The following PDE4D variants were observed in gnomAD, a reference collection of about 807,000 sequenced individuals.
The protein encoded by PDE4D is phosphodiesterase 4D, also known as 3',5'-cyclic-AMP phosphodiesterase 4D.
PDE4D carries 24 observed loss-of-function variants against 87.4 expected under a neutral mutation model. The ratio of observed to expected loss-of-function variants is 0.27; its 90% confidence interval spans 0.20 to 0.39. PDE4D has a LOEUF of 0.39. PDE4D is among the 10% of genes least tolerant of loss of function. PDE4D has a pLI of 1.00. For synonymous variants in PDE4D, 384 were observed against 383.2 expected (o/e 1.00, Z -0.02); for missense variants, 714 against 1,041.0 (o/e 0.69, Z 4.32).
chr5:59,589,584 T>C (rs1165233382), intron 1 of PDE4D, among the ~76,000 whole-genome samples: 2 of 152,210 alleles, frequency 1.3e-5, no homozygotes, highest in Non-Finnish European at 1.5e-5. Flanking sequence ...ATATTTTCCT[T>C]TGTAATGAAC....
intron 1 of PDE4D, among the ~76,000 whole-genome samples, chr5:60,198,227 C>T (rs1427383894): frequency 6.6e-6 from 1 of 151,328 alleles, no homozygotes; most frequent in African/African-American, 2.4e-5. Context: ...ATAAAATAAA[C>T]TCCTTCAATG....
chr5:59,435,606 T>C (rs1489019905), intron 1 of PDE4D, among the ~76,000 whole-genome samples: 1 of 152,214 alleles, frequency 6.6e-6, no homozygotes, highest in Non-Finnish European at 1.5e-5. Flanking sequence ...CACTGTTTCA[T>C]AGCTGTTCAT....
At chr5:60,109,173 A>G (rs1777391501) in intron 2 of PDE4D, among the ~76,000 whole-genome samples, 1 of 152,068 alleles carries the variant, frequency 6.6e-6, no homozygotes, top group Non-Finnish European at 1.5e-5. Context: ...AGAAAAAAAC[A>G]AACAACCCCA....
chr5:60,440,788 T>C (rs1257913175), intron 1 of PDE4D, among the ~76,000 whole-genome samples: 1 of 152,124 alleles, frequency 6.6e-6, no homozygotes, highest in Non-Finnish European at 1.5e-5. Flanking sequence ...CATTTAATTA[T>C]TACAACAACC....
At chr5:59,767,714 G>T (rs780224072) in intron 1 of PDE4D, among the ~76,000 whole-genome samples, 1 of 152,240 alleles carries the variant, frequency 6.6e-6, no homozygotes, top group East Asian at 1.9e-4. Context: ...CTTTGGAAAG[G>T]CATGTTTAAG....
chr5:59,239,834 C>T (rs890264920), intron 1 of PDE4D, among the ~76,000 whole-genome samples: 4 of 152,180 alleles, frequency 2.6e-5, no homozygotes, highest in Non-Finnish European at 5.9e-5. Context: ...TTCTTACCCT[C>T]TCTGAGCCTG....
At chr5:60,221,198 C>A (rs1332986423) in intron 1 of PDE4D, among the ~76,000 whole-genome samples, 1 of 152,016 alleles carries the variant, frequency 6.6e-6, no homozygotes, top group Non-Finnish European at 1.5e-5. Context: ...CAAACACAAT[C>A]AATTTACAAA....
chr5:59,289,508 TC>T (rs149300987), intron 1 of PDE4D, among the ~76,000 whole-genome samples: 34,825 of 151,410 alleles, frequency 0.23, 4,293 homozygotes, highest in Admixed American at 0.34. Context: ...ATAAAAATCC[TC>T]AAAAAATCGG....
At chr5:59,757,700 C>T (rs571678222) in intron 1 of PDE4D, among the ~76,000 whole-genome samples, 2 of 152,252 alleles carry the variant, frequency 1.3e-5, no homozygotes, top group Admixed American at 6.5e-5. Flanking sequence ...AGAGTCAAAC[C>T]TTAACAGATT....
chr5:59,917,067 G>A (rs998720292), intron 3 of PDE4D, among the ~76,000 whole-genome samples: 2 of 145,880 alleles, frequency 1.4e-5, no homozygotes, highest in Non-Finnish European at 3.0e-5. Flanking sequence ...GGCTCCCAAA[G>A]TGCTGGGATT....
In PDE4D at chr5:60,184,313, T is replaced by C. The variant is rs6889799; in HGVS notation, c.42+1244A>G. ...AGAAAACATTATATGAATAGTTTGC[T>C]TTCATATTTAATTTATAATAAGAAA... On this transcript the variant is annotated intron_variant, in intron 2 of 16. Coordinates refer to the PDE4D transcript ENST00000502484. Among the ~76,000 whole-genome samples, 936 of 152,306 alleles carry C rather than the reference T, an allele frequency of 6.1e-3. 8 individuals are homozygous for C. The highest frequency in any genetic ancestry group is 0.021 in the African/African-American group (893 of 41,560).
At position 59,893,210 on chromosome 5, in the gene PDE4D, T is replaced by A; in HGVS notation, c.413A>T (p.Lys138Ile). 6.4e-7 allele frequency: 1 copy of A among 1,564,538 alleles called. No homozygotes were observed. Among genetic ancestry groups the A allele is most frequent in the Non-Finnish European group, 8.7e-7 (1 of 1,154,308 alleles). The change falls in exon 1 of 15, where the codon AAA becomes ATA. Residue 138 changes from lysine to isoleucine, a missense_variant. Transcript: ENST00000340635. ...CGAGGAGGGCCAGGACATCCTGGAT[T>A]TCTTCAGGCCGGGCCGGTGGCCGGT... The part of the protein sequence containing the change: ...VETGHRPGLK[K>I]SRMSWPSSFQ...
intron 1 of PDE4D, among the ~76,000 whole-genome samples, chr5:59,320,185 C>T (rs867295272): frequency 4.0e-5 from 6 of 151,838 alleles, no homozygotes; most frequent in Admixed American, 6.6e-5. Context: ...CATGCATGTG[C>T]GTGTGCAGGT....
At chr5:59,605,254 A>T (rs1237567338) in intron 1 of PDE4D, among the ~76,000 whole-genome samples, 1 of 152,162 alleles carries the variant, frequency 6.6e-6, no homozygotes, top group African/African-American at 2.4e-5. Flanking sequence ...ATAATTGGCA[A>T]TGCAAAAGTT....
intron 1 of PDE4D, among the ~76,000 whole-genome samples, chr5:60,280,807 T>C (rs1481687146): frequency 6.6e-6 from 1 of 152,178 alleles, no homozygotes; most frequent in Non-Finnish European, 1.5e-5. Flanking sequence ...ACATTAAGGC[T>C]CTATAAATGT....
chr5:59,388,415 T>C (rs916963897), intron 1 of PDE4D, among the ~76,000 whole-genome samples: 13 of 152,130 alleles, frequency 8.5e-5, no homozygotes, highest in Non-Finnish European at 1.8e-4. Context: ...ATAGCCATTA[T>C]GGAAAACAGC....
At chr5:59,280,685 C>T (rs1171750106) in intron 1 of PDE4D, among the ~76,000 whole-genome samples, 1 of 151,978 alleles carries the variant, frequency 6.6e-6, no homozygotes, top group Non-Finnish European at 1.5e-5. Context: ...TCCTCAAACT[C>T]CAGCATTGAT....
intron 1 of PDE4D, among the ~76,000 whole-genome samples, chr5:60,193,665 G>C (rs1027949359): frequency 1.6e-5 from 1 of 61,754 alleles, no homozygotes; most frequent in African/African-American, 7.6e-5. Flanking sequence ...GCGAGACTCC[G>C]TCTCAAAAAA....
At chr5:59,413,457 CAAAAAAAAAA>C (rs34074485) in intron 1 of PDE4D, among the ~76,000 whole-genome samples, 1 of 54,410 alleles carries the variant, frequency 1.8e-5, no homozygotes, top group Non-Finnish European at 3.3e-5. Flanking sequence ...GACTCCATCT[CAAAAAAAAAA>C]AAAAAAAAAA....
Sources: gnomAD v4.1 joint callset for allele counts (sites outside exome capture counted in the v4.1 genomes callset) on GRCh38, gnomAD v4.1.1 for gene constraint, MANE v1.5 for transcripts, NCBI Gene and HGNC (gene_info 2026-07-23, HGNC 2026-07-21) for gene names.